The following MGAT4C variants were observed in gnomAD, a reference collection of about 807,000 sequenced individuals.
The protein encoded by MGAT4C is alpha-1,3-mannosyl-glycoprotein 4-beta-N-acetylglucosaminyltransferase C.
Under a neutral mutation model 40.1 loss-of-function variants are expected in MGAT4C, and 19 were observed. The observed-to-expected ratio is 0.47, with a 90% confidence interval of 0.33 to 0.70. The LOEUF is 0.70. Among genes scored for constraint, MGAT4C ranks in the 30% least tolerant of loss-of-function variants. The pLI is 0.02. For missense variants in MGAT4C, 491 were observed against 563.2 expected, an observed-to-expected ratio of 0.87 and a Z score of 1.30; for synonymous variants, 181 against 187.1, an observed-to-expected ratio of 0.97 and a Z score of 0.27.
intron 1 of MGAT4C, among the ~76,000 whole-genome samples, chr12:86,081,155 A>G (rs999274239): frequency 6.6e-6 from 1 of 152,164 alleles, no homozygotes; most frequent in Admixed American, 6.5e-5. Context: ...ATTGTGGATA[A>G]TAAAACAATA....
chr12:86,369,772 A>C (rs1955682381), intron 3 of MGAT4C, among the ~76,000 whole-genome samples: 1 of 152,146 alleles, frequency 6.6e-6, no homozygotes, highest in African/African-American at 2.4e-5. Context: ...TGATTTAAAA[A>C]GGCAAAAATA....
At position 85,963,761 on chromosome 12, in the gene MGAT4C, G is replaced by A. The variant is rs1883229688; in HGVS notation, c.*15528C>T. The A allele has an allele frequency of 6.6e-6, 1 of 151,980 alleles. No individual in the cohort carries two copies. Among genetic ancestry groups the A allele is most frequent in the Admixed American group, 6.6e-5 (1 of 15,236 alleles). The allele number at this position is 151,980 out of a possible 1,614,324, so 9.4% of individuals were successfully genotyped here. A position where few individuals can be genotyped will look rare whatever the true frequency, so the allele number is the denominator to read the frequency against. On this transcript the variant is annotated 3_prime_UTR_variant, in exon 5 of 5. Transcript: ENST00000611864. ...AGTCTTGTTGTAACGTGTAAATGGGGTGGGTGATGGGAGAGAGAAAACAAA... is the reference window on the plus strand; with the variant it reads ...AGTCTTGTTGTAACGTGTAAATGGGATGGGTGATGGGAGAGAGAAAACAAA...
intron 1 of MGAT4C, among the ~76,000 whole-genome samples, chr12:86,136,346 A>C (rs146238725): frequency 6.6e-6 from 1 of 152,320 alleles, no homozygotes; most frequent in Non-Finnish European, 1.5e-5. Flanking sequence ...TGAATATATA[A>C]TAAAATGCCA....
intron 2 of MGAT4C, among the ~76,000 whole-genome samples, chr12:86,670,531 G>GA (rs936640243): frequency 5.9e-4 from 89 of 151,618 alleles, no homozygotes; most frequent in Admixed American, 4.6e-3. Flanking sequence ...CAAAAATAAA[G>GA]AAAAAAAGAA....
intron 2 of MGAT4C, among the ~76,000 whole-genome samples, chr12:85,990,539 A>G (rs1885780836): frequency 6.6e-6 from 1 of 152,098 alleles, no homozygotes. Flanking sequence ...GTCCCCTATA[A>G]TCTTAGAACT....
intron 1 of MGAT4C, among the ~76,000 whole-genome samples, chr12:86,248,711 G>A (rs1006637054): frequency 1.3e-5 from 2 of 151,818 alleles, no homozygotes; most frequent in African/African-American, 2.4e-5. Context: ...ATGTAACTTC[G>A]CCACCTATCA....
At chr12:86,719,338 T>C (rs1429316702) in intron 2 of MGAT4C, among the ~76,000 whole-genome samples, 1 of 152,208 alleles carries the variant, frequency 6.6e-6, no homozygotes, top group African/African-American at 2.4e-5. Context: ...GTTGTTTCAG[T>C]ACAGCTCCTT....
chr12:86,404,851 T>G (rs1378887509), intron 3 of MGAT4C, among the ~76,000 whole-genome samples: 1 of 152,162 alleles, frequency 6.6e-6, no homozygotes, highest in Non-Finnish European at 1.5e-5. Context: ...TCTCTTAGTA[T>G]CATATGGGAA....
intron 1 of MGAT4C, among the ~76,000 whole-genome samples, chr12:86,057,980 T>C (rs1778730219): frequency 6.6e-6 from 1 of 152,102 alleles, no homozygotes; most frequent in Non-Finnish European, 1.5e-5. Context: ...ATGTAAAGGC[T>C]TTTTAAATCT....
intron 1 of MGAT4C, among the ~76,000 whole-genome samples, chr12:86,814,514 C>G (rs1566009658): frequency 6.6e-6 from 1 of 151,306 alleles, no homozygotes; most frequent in Non-Finnish European, 1.5e-5. Flanking sequence ...TTCCAATGCT[C>G]TTATATTAAT....
chr12:86,229,627 T>C (rs926412280), intron 1 of MGAT4C, among the ~76,000 whole-genome samples: 1 of 151,988 alleles, frequency 6.6e-6, no homozygotes, highest in Non-Finnish European at 1.5e-5. Context: ...GATTACAACA[T>C]AGTTTCTTGG....
chr12:86,789,942 T>A (rs1951995621), intron 1 of MGAT4C, among the ~76,000 whole-genome samples: 1 of 152,144 alleles, frequency 6.6e-6, no homozygotes, highest in African/African-American at 2.4e-5. Flanking sequence ...TTGCAGAATT[T>A]GGGTTCCATC....
chr12:86,422,672 A>G (rs1410194971), intron 3 of MGAT4C, among the ~76,000 whole-genome samples: 1 of 152,164 alleles, frequency 6.6e-6, no homozygotes, highest in Admixed American at 6.5e-5. Context: ...ATAACATAAC[A>G]TGGGTCAATA....
intron 2 of MGAT4C, among the ~76,000 whole-genome samples, chr12:86,674,605 G>C (rs565316141): frequency 1.3e-5 from 2 of 152,194 alleles, no homozygotes; most frequent in Non-Finnish European, 2.9e-5. Context: ...GCTGAGGCAG[G>C]AGAAACTCTT....
At chr12:86,764,286 T>C (rs1593183830) in intron 1 of MGAT4C, among the ~76,000 whole-genome samples, 1 of 152,154 alleles carries the variant, frequency 6.6e-6, no homozygotes, top group South Asian at 2.1e-4. Flanking sequence ...GAGATCAAAC[T>C]GCAAGGCGGC....
intron 1 of MGAT4C, among the ~76,000 whole-genome samples, chr12:86,198,074 A>G (rs1949892313): frequency 2.0e-5 from 3 of 152,196 alleles, no homozygotes; most frequent in African/African-American, 7.2e-5. Flanking sequence ...AATTTTTGGA[A>G]TACTTCATTT....
At chr12:86,329,556 C>T (rs1224430352) in intron 4 of MGAT4C, among the ~76,000 whole-genome samples, 2 of 152,178 alleles carry the variant, frequency 1.3e-5, no homozygotes, top group Non-Finnish European at 2.9e-5. Context: ...GATTCCATTT[C>T]CTATGCCAAG....
intron 1 of MGAT4C, among the ~76,000 whole-genome samples, chr12:86,818,680 C>T (rs561758000): frequency 3.1e-4 from 47 of 150,962 alleles, no homozygotes; most frequent in Non-Finnish European, 6.7e-4. Flanking sequence ...CATTTTGAAG[C>T]TTCTAAAGAA....
At chr12:86,812,658 C>T (rs1019531655) in intron 1 of MGAT4C, among the ~76,000 whole-genome samples, 1 of 151,990 alleles carries the variant, frequency 6.6e-6, no homozygotes, top group African/African-American at 2.4e-5. Flanking sequence ...TTTTAAATAG[C>T]ATTTCCTTTT....
Sources: gnomAD v4.1 joint callset for allele counts (sites outside exome capture counted in the v4.1 genomes callset) on GRCh38, gnomAD v4.1.1 for gene constraint, MANE v1.5 for transcripts, NCBI Gene and HGNC (gene_info 2026-07-23, HGNC 2026-07-21) for gene names.